The following SAMD5 variants were observed in gnomAD, a reference collection of about 807,000 sequenced individuals.
SAMD5 encodes the protein sterile alpha motif domain-containing protein 5.
Under a neutral mutation model 11.3 loss-of-function variants are expected in SAMD5, and 13 were observed. That is an observed-to-expected ratio of 1.15 (90% CI 0.75 to 1.83). SAMD5 has a LOEUF of 1.83. Ranked by LOEUF, SAMD5 falls within the 40% of genes most tolerant of loss-of-function variation. SAMD5 has a pLI of 0.00. For missense variants in SAMD5, 255 were observed against 239.1 expected (o/e 1.07, Z -0.44); for synonymous variants, 129 against 111.3 (o/e 1.16, Z -1.00).
chr6:147,610,808 G>A (rs1016970661), intron 1 of SAMD5, among the ~76,000 whole-genome samples: 1 of 151,928 alleles, frequency 6.6e-6, no homozygotes, highest in Non-Finnish European at 1.5e-5. Context: ...GATGTCCTGG[G>A]ATAGGTGACC....
chr6:147,805,050 C>G, the SAMD5 span, among the ~76,000 whole-genome samples: 1 of 152,154 alleles, frequency 6.6e-6, no homozygotes, highest in South Asian at 2.1e-4. Context: ...AAACATAGAC[C>G]TTAGTGAAGT....
chr6:147,765,485 A>C, the SAMD5 span, among the ~76,000 whole-genome samples: 1 of 152,236 alleles, frequency 6.6e-6, no homozygotes, highest in Admixed American at 6.5e-5. Context: ...AAAAGCCAAA[A>C]TATGTTAATC....
rs546135146 is a variant in SAMD5, at chr6:147,619,856, C to T, written c.162+110469C>T. Reference sequence around the variant, plus strand: ...ACTCCTCAAAGGCTGATACCCAGTCCTGAGAGTTCTCCAAGGCCCTGCTGG... The same window carrying T: ...ACTCCTCAAAGGCTGATACCCAGTCTTGAGAGTTCTCCAAGGCCCTGCTGG... On this transcript the variant is annotated intron_variant, in intron 1 of 1. Coordinates refer to the SAMD5 transcript ENST00000566741. Among the ~76,000 whole-genome samples the T allele has an allele frequency of 6.6e-5, 10 of 152,260 alleles. No homozygotes were observed. The East Asian group carries it at 1.4e-3, about 21-fold the overall frequency.
chr6:147,530,167 A>G (rs1003033198), intron 1 of SAMD5, among the ~76,000 whole-genome samples: 1 of 152,238 alleles, frequency 6.6e-6, no homozygotes, highest in African/African-American at 2.4e-5. Flanking sequence ...TGCAGAAAGG[A>G]CAATATTTAT....
intron 1 of SAMD5, among the ~76,000 whole-genome samples, chr6:147,731,503 A>G (rs548104832): frequency 1.6e-3 from 241 of 152,182 alleles, no homozygotes; most frequent in Middle Eastern, 0.01. Flanking sequence ...CACAGCCATG[A>G]ACTTTGAAAA....
chr6:147,676,786 G>A (rs547934484), intron 1 of SAMD5, among the ~76,000 whole-genome samples: 2 of 140,852 alleles, frequency 1.4e-5, no homozygotes, highest in East Asian at 4.6e-4. Flanking sequence ...TAGAGAGATT[G>A]CCACGAGCAA....
chr6:147,788,834 A>C, the SAMD5 span, among the ~76,000 whole-genome samples: 6 of 152,336 alleles, frequency 3.9e-5, no homozygotes, highest in African/African-American at 1.4e-4. Context: ...TTGTAATCCC[A>C]GCACTTTGGG....
At position 147,635,662 on chromosome 6, in the gene SAMD5, A is replaced by G. The variant is rs528343597; in HGVS notation, c.163-101655A>G. 2.6e-5 allele frequency among the ~76,000 whole-genome samples: 4 copies of G among 152,348 alleles called. No homozygotes were observed. In the East Asian group the frequency reaches 7.7e-4, roughly 29 times the overall value. On this transcript the variant is annotated intron_variant, in intron 1 of 1. Coordinates refer to the SAMD5 transcript ENST00000566741. ...CGTGGCTGACCACAGCCAATGGAATAATAGGAGACATCATGTAAGCAGAGG... is the reference window on the plus strand; with the variant it reads ...CGTGGCTGACCACAGCCAATGGAATGATAGGAGACATCATGTAAGCAGAGG...
At chr6:147,720,032 T>TC (rs906371339) in intron 1 of SAMD5, among the ~76,000 whole-genome samples, 12 of 152,188 alleles carry the variant, frequency 7.9e-5, no homozygotes, top group African/African-American at 2.9e-4. Context: ...CTGTGTTTTA[T>TC]CCCATGTAGT....
Position 147,513,812 on chromosome 6 carries a change from G to A in SAMD5, c.459+4425G>A, listed in dbSNP as rs138075552. ...GGAAGCAGTGATGTTTCAAGGAGGA[G>A]GGACAGGTCAGGAAGTCAGATAATG... On this transcript the variant is annotated intron_variant, in intron 1 of 1. Coordinates refer to ENST00000367474, the MANE Select transcript of SAMD5 (RefSeq NM_001030060.3). 1.5e-3 allele frequency among the ~76,000 whole-genome samples: 236 copies of A among 152,274 alleles called. 1 individual carries two copies. The highest frequency in any genetic ancestry group is 3.4e-3 in the Middle Eastern group (1 of 294).
chr6:147,890,445 G>A, the SAMD5 span, among the ~76,000 whole-genome samples: 2 of 149,488 alleles, frequency 1.3e-5, no homozygotes, highest in African/African-American at 2.5e-5. Context: ...TGCAACCTCC[G>A]CTGCCTGGAT....
intron 1 of SAMD5, among the ~76,000 whole-genome samples, chr6:147,734,630 G>A (rs1791765084): frequency 1.3e-5 from 2 of 149,090 alleles, no homozygotes; most frequent in South Asian, 2.1e-4. Context: ...GGAGAATGGC[G>A]TGAACCCGGG....
At chr6:147,641,760 C>G (rs1344895664) in intron 1 of SAMD5, among the ~76,000 whole-genome samples, 1 of 152,036 alleles carries the variant, frequency 6.6e-6, no homozygotes, top group Admixed American at 6.5e-5. Context: ...GTTGCCAAGC[C>G]TTTGTGGTTA....
the SAMD5 span, among the ~76,000 whole-genome samples, chr6:147,855,793 T>TA: frequency 1.3e-5 from 2 of 152,110 alleles, no homozygotes; most frequent in Admixed American, 6.5e-5. Context: ...ATTCTGCCTA[T>TA]AAAAAACAAA....
At chr6:147,656,912 G>A (rs1013781424) in intron 1 of SAMD5, among the ~76,000 whole-genome samples, 1 of 151,746 alleles carries the variant, frequency 6.6e-6, no homozygotes, top group African/African-American at 2.4e-5. Context: ...GTGTGTGTGT[G>A]TGTGTGTGTG....
At chr6:147,878,250 CATAG>C in the SAMD5 span, among the ~76,000 whole-genome samples, 2 of 151,942 alleles carry the variant, frequency 1.3e-5, no homozygotes, top group South Asian at 4.1e-4. Context: ...CTTCCTGATT[CATAG>C]ATAGCCATAT....
the SAMD5 span, chr6:147,953,626 G>A: frequency 6.6e-6 from 1 of 152,144 alleles, no homozygotes; most frequent in Non-Finnish European, 1.5e-5. Context: ...CCAAAATATA[G>A]AACATAGAGT....
the SAMD5 span, among the ~76,000 whole-genome samples, chr6:147,885,259 G>T: frequency 6.6e-6 from 1 of 152,044 alleles, no homozygotes; most frequent in African/African-American, 2.4e-5. Context: ...AGGAGTTGGT[G>T]ACCAGCATGG....
At chr6:147,721,702 A>G (rs1262306124) in intron 1 of SAMD5, among the ~76,000 whole-genome samples, 1 of 152,126 alleles carries the variant, frequency 6.6e-6, no homozygotes, top group Non-Finnish European at 1.5e-5. Flanking sequence ...TCTTTAGTTT[A>G]ATTAGATCCC....
Sources: gnomAD v4.1 joint callset for allele counts (sites outside exome capture counted in the v4.1 genomes callset) on GRCh38, gnomAD v4.1.1 for gene constraint, MANE v1.5 for transcripts, NCBI Gene and HGNC (gene_info 2026-07-23, HGNC 2026-07-21) for gene names.